PRKN: variants seen among roughly 807,000 people sequenced by gnomAD.
The protein encoded by PRKN is E3 ubiquitin-protein ligase parkin.
PRKN carries 56 observed loss-of-function variants against 59.5 expected under a neutral mutation model. The ratio of observed to expected loss-of-function variants is 0.94; its 90% CI spans 0.76 to 1.18. PRKN has a LOEUF of 1.18. Ranked by LOEUF, PRKN falls within the 50% of genes most tolerant of loss-of-function variation. The probability of loss-of-function intolerance (pLI) is 0.00; values close to 1 mark genes in which losing one functional copy is unlikely to be tolerated. For missense variants in PRKN, 657 were observed against 596.4 expected, an observed-to-expected ratio of 1.10 and a Z score of -1.06; for synonymous variants, 250 against 222.1, an observed-to-expected ratio of 1.13 and a Z score of -1.12.
chr6:162,546,713 G>A (rs1779133720), intron 1 of PRKN, among the ~76,000 whole-genome samples: 1 of 152,052 alleles, frequency 6.6e-6, no homozygotes, highest in Non-Finnish European at 1.5e-5. Flanking sequence ...CAAAATACTG[G>A]GATTACAGGC....
At chr6:161,781,019 T>C (rs762053757) in intron 7 of PRKN, among the ~76,000 whole-genome samples, 3 of 152,184 alleles carry the variant, frequency 2.0e-5, no homozygotes, top group Non-Finnish European at 4.4e-5. Flanking sequence ...CTTACGGAGA[T>C]ACATACTAAA....
intron 9 of PRKN, among the ~76,000 whole-genome samples, chr6:161,534,511 T>G (rs940530014): frequency 2.0e-5 from 3 of 152,202 alleles, no homozygotes; most frequent in African/African-American, 7.2e-5. Context: ...ACGAGCAATG[T>G]GATACACGTG....
intron 9 of PRKN, among the ~76,000 whole-genome samples, chr6:161,398,721 A>C (rs1786891644): frequency 6.6e-6 from 1 of 152,206 alleles, no homozygotes; most frequent in Non-Finnish European, 1.5e-5. Context: ...ATGGTAAGGC[A>C]CTGGCCATTC....
At chr6:162,634,661 T>G (rs1355900378) in intron 1 of PRKN, among the ~76,000 whole-genome samples, 2 of 152,234 alleles carry the variant, frequency 1.3e-5, no homozygotes, top group Non-Finnish European at 2.9e-5. Context: ...AGTCTCGCTC[T>G]GTCACCAGGC....
chr6:162,496,277 T>C (rs750745404), intron 1 of PRKN, among the ~76,000 whole-genome samples: 2 of 152,132 alleles, frequency 1.3e-5, no homozygotes, highest in African/African-American at 2.4e-5. Context: ...TAGATTAAAA[T>C]GATTGATTGT....
chr6:162,023,512 G>C (rs1783294445), intron 5 of PRKN, among the ~76,000 whole-genome samples: 1 of 152,088 alleles, frequency 6.6e-6, no homozygotes, highest in Admixed American at 6.5e-5. Context: ...ACGTGGTTCT[G>C]CTGGTCGCCT....
intron 6 of PRKN, among the ~76,000 whole-genome samples, chr6:161,903,028 G>A (rs1777995298): frequency 6.6e-6 from 1 of 152,176 alleles, no homozygotes; most frequent in African/African-American, 2.4e-5. Context: ...TAACAAGTAA[G>A]GCAGTGAGTC....
At chr6:162,450,750 T>TA (rs530705432) in intron 1 of PRKN, among the ~76,000 whole-genome samples, 13 of 152,248 alleles carry the variant, frequency 8.5e-5, no homozygotes, top group Middle Eastern at 3.4e-3. Flanking sequence ...TAGAAACTGT[T>TA]AGAGTCTAAG....
chr6:162,250,499 A>G (rs1779390799), intron 3 of PRKN, among the ~76,000 whole-genome samples: 1 of 152,226 alleles, frequency 6.6e-6, no homozygotes, highest in Non-Finnish European at 1.5e-5. Context: ...GAGTTGTATA[A>G]TGAGTAACCA....
At position 161,679,853 on chromosome 6, in the gene PRKN, A is replaced by C. The variant is rs925972176; in HGVS notation, c.871+105919T>G. On this transcript the variant is annotated intron_variant, in intron 7 of 11. Transcript: ENST00000366898. The stretch of plus-strand genomic sequence containing the variant: ...CACTGCAAGCTCCGCCTCCTGGGTT[A>C]ACACCATTCTCCTGCCTCAGCCCCC... Among the ~76,000 whole-genome samples, 3 of 138,362 alleles carry C rather than the reference A, an allele frequency of 2.2e-5. No homozygotes were observed. The East Asian group carries it at 6.7e-4, about 31-fold the overall frequency. 90.8% of individuals were successfully genotyped at this position (138,362 alleles called of 152,430 possible). A position where few individuals can be genotyped will look rare whatever the true frequency, so the allele number is the denominator to read the frequency against.
At chr6:162,407,218 G>C (rs560800571) in intron 2 of PRKN, among the ~76,000 whole-genome samples, 1 of 152,230 alleles carries the variant, frequency 6.6e-6, no homozygotes, top group African/African-American at 2.4e-5. Flanking sequence ...GATTGAAGTA[G>C]AGCTGTTAAG....
At chr6:162,547,257 T>G (rs1309252081) in intron 1 of PRKN, among the ~76,000 whole-genome samples, 1 of 152,160 alleles carries the variant, frequency 6.6e-6, no homozygotes, top group East Asian at 1.9e-4. Flanking sequence ...AAAACCATAA[T>G]AAATCCTCTC....
chr6:161,685,740 A>G (rs897269658), intron 7 of PRKN, among the ~76,000 whole-genome samples: 64 of 152,188 alleles, frequency 4.2e-4, no homozygotes, highest in African/African-American at 1.5e-3. Flanking sequence ...CACATGTATG[A>G]TGGATATGAG....
intron 1 of PRKN, among the ~76,000 whole-genome samples, chr6:162,554,532 C>T (rs529920574): frequency 3.6e-4 from 54 of 151,378 alleles, no homozygotes; most frequent in African/African-American, 1.0e-3. Flanking sequence ...GAAAAGAAAA[C>T]GGACAGAATT....
chr6:162,352,782 A>C (rs1315991732), intron 2 of PRKN, among the ~76,000 whole-genome samples: 3 of 152,192 alleles, frequency 2.0e-5, no homozygotes, highest in Non-Finnish European at 2.9e-5. Context: ...GAGTATTATA[A>C]TTCTAGCAAT....
In PRKN at chr6:161,499,191, G is replaced by T. The variant is rs941947300; in HGVS notation, c.1083+49663C>A. On this transcript the variant is annotated intron_variant, in intron 9 of 11. Transcript: ENST00000366898. The surrounding 1 kb of genome is among the most constrained non-coding windows in gnomAD (Gnocchi z 4.2). Reference sequence around the variant, plus strand: ...AAAAGAATCTAAGACAACATTTACAGATTGGGAGATCAACGTAAAAGATGC... The same window carrying T: ...AAAAGAATCTAAGACAACATTTACATATTGGGAGATCAACGTAAAAGATGC... Among the ~76,000 whole-genome samples the T allele has an allele frequency of 1.3e-5, 2 of 149,668 alleles. No homozygotes were observed. The highest frequency in any genetic ancestry group is 6.7e-5 in the Admixed American group (1 of 14,986).
At position 161,409,277 on chromosome 6, in the gene PRKN, T is replaced by C. The variant is rs1199459459; in HGVS notation, c.1084-22400A>G. ...ACATTTTTAAACTCTGTGGTAATGG[T>C]TGAGAATACTCTTCATTACTACAAG... On this transcript the variant is annotated intron_variant, in intron 9 of 11. Coordinates refer to ENST00000366898, the MANE Select transcript of PRKN (RefSeq NM_004562.3). The surrounding 1 kb of genome is among the most constrained non-coding windows in gnomAD (Gnocchi z 4.6). 1.3e-5 allele frequency among the ~76,000 whole-genome samples: 2 copies of C among 152,160 alleles called. No homozygotes were observed. Among genetic ancestry groups the C allele is most frequent in the Non-Finnish European group, 1.5e-5 (1 of 68,040 alleles).
At chr6:161,610,647 G>A (rs1256743917) in intron 7 of PRKN, among the ~76,000 whole-genome samples, 6 of 151,890 alleles carry the variant, frequency 4.0e-5, no homozygotes, top group Non-Finnish European at 7.4e-5. Context: ...ATTGGGTGCC[G>A]TAACAAGTAG....
chr6:162,237,002 A>G (rs1200169368), intron 3 of PRKN, among the ~76,000 whole-genome samples: 2 of 152,186 alleles, frequency 1.3e-5, no homozygotes, highest in Admixed American at 6.5e-5. Flanking sequence ...TGGTCAGAGC[A>G]TTCTTCTATT....
Sources: gnomAD v4.1 joint callset for allele counts (sites outside exome capture counted in the v4.1 genomes callset) on GRCh38, gnomAD v4.1.1 for gene constraint, Gnocchi (gnomAD v3.1) non-coding constraint, MANE v1.5 for transcripts, NCBI Gene and HGNC (gene_info 2026-07-23, HGNC 2026-07-21) for gene names.